Variants in RPUSD2 observed in about 807,000 individuals in gnomAD.
The protein encoded by RPUSD2 is pseudouridylate synthase RPUSD2.
RPUSD2 carries 31 observed loss-of-function variants against 41.5 expected under a neutral mutation model. The observed-to-expected ratio is 0.75, with a 90% CI of 0.56 to 1.01. The LOEUF (loss-of-function observed/expected upper bound fraction) is 1.01, where lower values mean the gene tolerates loss of function less well. Among genes scored for constraint, RPUSD2 ranks in the 50% least tolerant of loss-of-function variants. RPUSD2 has a pLI of 0.00. For missense variants in RPUSD2, 749 were observed against 724.7 expected (o/e 1.03, Z -0.38); for synonymous variants, 305 against 289.7 (o/e 1.05, Z -0.54).
At chr15:40,571,934 C>A (rs1053071929) in intron 2 of RPUSD2, 34 bp downstream of exon 2, 3 of 1,598,048 alleles carry the variant, frequency 1.9e-6, no homozygotes, top group African/African-American at 1.3e-5. Flanking sequence ...CAGGCCACTT[C>A]TTGGGCTCAC....
intron 2 of RPUSD2, 133 bp downstream of exon 2, chr15:40,572,033 C>T: frequency 2.2e-6 from 2 of 918,982 alleles, no homozygotes; most frequent in African/African-American, 1.7e-5. Flanking sequence ...TACCTTAAGG[C>T]AGGTCAACAC....
At position 40,574,442 on chromosome 15, in the gene RPUSD2, T is replaced by C; in HGVS notation, c.*181T>C. On this transcript the variant is annotated 3_prime_UTR_variant, in exon 3 of 3. Coordinates refer to ENST00000315616, the MANE Select transcript of RPUSD2 (RefSeq NM_152260.3). ...ATTTGGAGACTTTTTGGTTTGTAAA[T>C]ATATCCCTTTTTCTAACATCTTTGA... 3.3e-6 allele frequency: 2 copies of C among 608,776 alleles called. No homozygotes were observed. The highest frequency in any genetic ancestry group is 5.5e-5 in the South Asian group (2 of 36,084). 37.7% of individuals were successfully genotyped at this position (608,776 alleles called of 1,614,324 possible). A position where few individuals can be genotyped will look rare whatever the true frequency, so the allele number is the denominator to read the frequency against.
intron 1 of RPUSD2, among the ~76,000 whole-genome samples, chr15:40,570,271 T>C (rs7162319): frequency 0.24 from 36,322 of 152,122 alleles, 5,611 homozygotes; most frequent in East Asian, 0.67. Context: ...CCCTGCGTTG[T>C]AGATCTCTGT....
chr15:40,569,515 G>T lies in RPUSD2; in HGVS notation c.178G>T (p.Gly60Cys), dbSNP rs749581295. ...TTCGCATCAGCAAAACGGTGACGCTGGTGGCGACGCGAAGGTTGAGCTGTC... is the reference window on the plus strand; with the variant it reads ...TTCGCATCAGCAAAACGGTGACGCTTGTGGCGACGCGAAGGTTGAGCTGTC... ...RASHQQNGDA[G>C]GDAKVELSPG... The change falls in exon 1 of 3, where the codon GGT (glycine) becomes TGT (cysteine). Residue 60 changes from glycine (G) to cysteine (C), a missense_variant. By Grantham distance (159) the Gly-to-Cys change is radical. Coordinates refer to ENST00000315616, the MANE Select transcript of RPUSD2 (RefSeq NM_152260.3). 4 of 1,545,536 alleles carry T rather than the reference G, an allele frequency of 2.6e-6. No individual in the cohort carries two copies. Among genetic ancestry groups the T allele is most frequent in the Admixed American group, 2.1e-5 (1 of 47,682 alleles).
chr15:40,574,278 G>A lies in RPUSD2; in HGVS notation c.*17G>A. ...AAGGACTGAGGGTGTGGCCAATGGA[G>A]GGATTGCTTCTTGGGTTGTGACAAG... On this transcript the variant is annotated 3_prime_UTR_variant, in exon 3 of 3. Transcript: ENST00000315616. The A allele has an allele frequency of 1.3e-6, 2 of 1,599,626 alleles. No homozygotes were observed. Among genetic ancestry groups the A allele is most frequent in the African/African-American group, 2.7e-5 (2 of 74,860 alleles).
At position 40,573,026 on chromosome 15, in the gene RPUSD2, T is replaced by C. The variant is rs892664990; in HGVS notation, c.904-501T>C. On this transcript the variant is annotated intron_variant, in intron 2 of 2. Transcript: ENST00000315616. ...AATGCTTTTCTTTTCTTTTCTTTTT[T>C]TTTTTTTTTTTTTTTGAGATGGAGT... Among the ~76,000 whole-genome samples the C allele has an allele frequency of 2.9e-5, 4 of 138,954 alleles. 1 individual carries two copies. The South Asian group carries it at 7.2e-4, about 25-fold the overall frequency. The allele number at this position is 138,954 out of a possible 152,430, so 91.2% of individuals were successfully genotyped here.
Position 40,571,002 on chromosome 15 carries a change from T to A in RPUSD2, c.607-602T>A, listed in dbSNP as rs951146163. On this transcript the variant is annotated intron_variant, in intron 1 of 2. Transcript: ENST00000315616. ...AATTTTACCTTGATTATTTATTTTT[T>A]TTTTTTTTGAGACAGAGTCTTGCTC... Among the ~76,000 whole-genome samples, 6 of 152,188 alleles carry A rather than the reference T, an allele frequency of 3.9e-5. No individual in the cohort carries two copies. In the South Asian group the frequency reaches 1.0e-3, roughly 26 times the overall value.
At chr15:40,571,501 C>A in intron 1 of RPUSD2, 103 bp from the exon 2 acceptor site, 1 of 1,078,036 alleles carries the variant, frequency 9.3e-7, no homozygotes, top group Non-Finnish European at 1.4e-6. Context: ...GATGTGCTTT[C>A]ACCATTTTTC....
chr15:40,571,709 C>T lies in RPUSD2; in HGVS notation c.712C>T (p.Pro238Ser), dbSNP rs140902301. The T allele has an allele frequency of 6.2e-7, 1 of 1,614,256 alleles. No individual in the cohort carries two copies. Among genetic ancestry groups the T allele is most frequent in the Non-Finnish European group, 8.5e-7 (1 of 1,180,042 alleles). Reference protein sequence around the residue: ...ENEDVVVVDKPSSIPVHPCGR... With the variant: ...ENEDVVVVDKSSSIPVHPCGR... ...CGAAGATGTGGTGGTTGTAGACAAGCCTTCCTCCATTCCCGTTCACCCCTG... is the reference window on the plus strand; with the variant it reads ...CGAAGATGTGGTGGTTGTAGACAAGTCTTCCTCCATTCCCGTTCACCCCTG... The change falls in exon 2 of 3, where the codon CCT (proline) becomes TCT (serine). Residue 238 changes from proline (P) to serine (S), a missense_variant. Coordinates refer to ENST00000315616, the MANE Select transcript of RPUSD2 (RefSeq NM_152260.3).
intron 2 of RPUSD2, among the ~76,000 whole-genome samples, chr15:40,573,148 C>G (rs928031495): frequency 1.3e-5 from 2 of 151,720 alleles, no homozygotes; most frequent in African/African-American, 4.8e-5. Context: ...CCTCAGCCTC[C>G]CAGGTAGCTG....
At position 40,573,942 on chromosome 15, in the gene RPUSD2, C is replaced by A. The variant is rs958164325; in HGVS notation, c.1319C>A (p.Thr440Lys). The A allele has an allele frequency of 1.4e-5, 22 of 1,614,070 alleles. No individual in the cohort carries two copies. The highest frequency in any genetic ancestry group is 1.8e-5 in the Non-Finnish European group (21 of 1,180,042). Reference protein sequence around the residue: ...LCEGDLSPGLTDSTAPSSELG... With the variant: ...LCEGDLSPGLKDSTAPSSELG... ...GAGGGTGACCTGTCCCCAGGACTCA[C>A]AGACTCTACGGCCCCCTCCTCAGAG... is the stretch of plus-strand genomic sequence containing the variant. The change falls in exon 3 of 3, where the codon ACA (threonine) becomes AAA (lysine). Residue 440 changes from threonine to lysine, a missense_variant. Coordinates refer to ENST00000315616, the MANE Select transcript of RPUSD2 (RefSeq NM_152260.3).
In RPUSD2 at chr15:40,573,867, TG is replaced by T. The variant is rs1403809102; in HGVS notation, c.1246del (p.Val416Ter). On this transcript the variant is annotated frameshift_variant, in exon 3 of 3. Transcript: ENST00000315616. LOFTEE classifies it high-confidence loss of function. ...PKTNEELLRD[L>X]VAEHQAKQSL... ...ACAAACGAGGAGTTGCTACGGGACCTGGTAGCAGAGCACCAGGCCAAACAGA... is the reference window on the plus strand; with the variant it reads ...ACAAACGAGGAGTTGCTACGGGACCTGTAGCAGAGCACCAGGCCAAACAGA... 1 of 1,613,996 alleles carries T rather than the reference TG, an allele frequency of 6.2e-7. No homozygotes were observed.
Position 40,569,539 on chromosome 15 carries a change from TC to T in RPUSD2, c.207del (p.Pro72ArgfsTer13). 6.5e-7 allele frequency: 1 copy of T among 1,537,316 alleles called. No individual in the cohort carries two copies. On this transcript the variant is annotated frameshift_variant, in exon 1 of 3. Coordinates refer to ENST00000315616, the MANE Select transcript of RPUSD2 (RefSeq NM_152260.3). LOFTEE classifies it high-confidence loss of function. Reference sequence around the variant, plus strand: ...TGGTGGCGACGCGAAGGTTGAGCTGTCCCCCGGGCCCCCGAAGCCGGCTGGC... The same window carrying T: ...TGGTGGCGACGCGAAGGTTGAGCTGTCCCCGGGCCCCCGAAGCCGGCTGGC... ...DAGGDAKVEL[S>X]PGPPKPAGRE...
Position 40,569,448 on chromosome 15 carries a change from AAC to A in RPUSD2, c.113_114del (p.Thr38SerfsTer20), listed in dbSNP as rs1363526757. 1 of 1,570,998 alleles carries A rather than the reference AAC, an allele frequency of 6.4e-7. No homozygotes were observed. The highest frequency in any genetic ancestry group is 2.2e-5 in the East Asian group (1 of 44,550). On this transcript the variant is annotated frameshift_variant, in exon 1 of 3. Coordinates refer to ENST00000315616, the MANE Select transcript of RPUSD2 (RefSeq NM_152260.3). LOFTEE classifies it high-confidence loss of function. Reference protein sequence around the residue: ...WSGDKGPMAETVSTQVGTEGG... With the variant: ...WSGDKGPMAEXVSTQVGTEGG... ...GTGGCGATAAGGGCCCAATGGCAGA[AAC>A]AGTGTCTACCCAGGTTGGGACAGAG...
In RPUSD2 at chr15:40,574,179, A is replaced by C. The variant is rs1891207537; in HGVS notation, c.1556A>C (p.His519Pro). 1.9e-6 allele frequency: 3 copies of C among 1,613,956 alleles called. No homozygotes were observed. Among genetic ancestry groups the C allele is most frequent in the South Asian group, 1.1e-5 (1 of 91,080 alleles). Residue 519 changes from histidine (H) to proline (P), a missense_variant, in exon 3 of 3, where the codon CAT (histidine) becomes CCT (proline). Physicochemically the swap from His to Pro is moderately conservative, Grantham distance 77. Transcript: ENST00000315616. The stretch of plus-strand genomic sequence containing the variant: ...CCCCAAGACCTTGTGATGTTCCTAC[A>C]TGCCCTACGCTATAAAGGGCCAGGC... ...PLPQDLVMFL[H>P]ALRYKGPGFE... is the part of the protein sequence containing the mutation.
chr15:40,574,390 C>A lies in RPUSD2; in HGVS notation c.*129C>A. On this transcript the variant is annotated 3_prime_UTR_variant, in exon 3 of 3. Transcript: ENST00000315616. ...GGACGGGCTTCTAAAGAGACCTGCT[C>A]ATACTTGCTACCTCCTTCCAGTGGG... 1 of 1,106,178 alleles carries A rather than the reference C, an allele frequency of 9.0e-7. No homozygotes were observed. The highest frequency in any genetic ancestry group is 1.6e-5 in the African/African-American group (1 of 64,184). The allele number at this position is 1,106,178 out of a possible 1,614,324, so 68.5% of individuals were successfully genotyped here. A position where few individuals can be genotyped will look rare whatever the true frequency, so the allele number is the denominator to read the frequency against.
intron 1 of RPUSD2, among the ~76,000 whole-genome samples, chr15:40,570,931 A>G (rs1891122126): frequency 6.6e-6 from 1 of 152,004 alleles, no homozygotes; most frequent in Non-Finnish European, 1.5e-5. Context: ...TTTGTTCAAG[A>G]TCGTAATAAG....
chr15:40,574,521 A>C lies in RPUSD2; in HGVS notation c.*260A>C. The C allele has an allele frequency of 2.9e-6, 1 of 350,648 alleles. No homozygotes were observed. The highest frequency in any genetic ancestry group is 5.2e-6 in the Non-Finnish European group (1 of 190,634). 21.7% of individuals were successfully genotyped at this position (350,648 alleles called of 1,614,324 possible). The stretch of plus-strand genomic sequence containing the variant: ...ATTACTGATGTAAAATTCACATAAC[A>C]TAAAATTAACCACTTTAACTAGCCA... On this transcript the variant is annotated 3_prime_UTR_variant, in exon 3 of 3. Transcript: ENST00000315616.
intron 2 of RPUSD2, among the ~76,000 whole-genome samples, 156 bp from the exon 3 acceptor site, chr15:40,573,370 AT>A (rs1268520293): frequency 6.6e-6 from 1 of 152,168 alleles, no homozygotes; most frequent in Non-Finnish European, 1.5e-5. Flanking sequence ...AGTTAGTAGG[AT>A]TTAGAGGTTA....
Sources: allele counts gnomAD v4.1 joint callset (sites outside exome capture counted in the v4.1 genomes callset), GRCh38; gene constraint gnomAD v4.1.1; transcripts MANE v1.5; gene names NCBI Gene and HGNC (gene_info 2026-07-23, HGNC 2026-07-21).